The following TBC1D5 variants were observed in gnomAD, a reference collection of about 807,000 sequenced individuals.
TBC1D5 encodes TBC1 domain family member 5.
A neutral mutation model predicts 100.3 loss-of-function variants in TBC1D5; 75 were observed. That is an observed-to-expected ratio of 0.75 (90% CI 0.62 to 0.91). TBC1D5 has a LOEUF of 0.91. TBC1D5 is among the 40% of genes least tolerant of loss of function. The pLI is 0.00. For missense variants in TBC1D5, 910 were observed against 942.4 expected (o/e 0.97, Z 0.45); for synonymous variants, 323 against 325.6 (o/e 0.99, Z 0.09).
At chr3:17,725,215 G>T (rs1017243439) in intron 1 of TBC1D5, among the ~76,000 whole-genome samples, 1 of 151,976 alleles carries the variant, frequency 6.6e-6, no homozygotes, top group African/African-American at 2.4e-5. Context: ...CAATTCCCTG[G>T]AGCCTAAAAT....
intron 13 of TBC1D5, among the ~76,000 whole-genome samples, chr3:17,309,256 A>G (rs1405367986): frequency 6.6e-6 from 1 of 152,002 alleles, no homozygotes; most frequent in Non-Finnish European, 1.5e-5. Flanking sequence ...ATGTGACAAA[A>G]TACTGTATAC....
intron 9 of TBC1D5, among the ~76,000 whole-genome samples, chr3:17,377,624 T>C (rs1251343921): frequency 6.6e-6 from 1 of 151,892 alleles, no homozygotes; most frequent in Non-Finnish European, 1.5e-5. Context: ...AGATAAATAT[T>C]TTGCTGGTAG....
chr3:17,347,544 T>G (rs2151579008), intron 13 of TBC1D5, among the ~76,000 whole-genome samples: 1 of 152,252 alleles, frequency 6.6e-6, no homozygotes, highest in East Asian at 1.9e-4. Context: ...AAATTTTTTT[T>G]CTGACATAGC....
intron 2 of TBC1D5, among the ~76,000 whole-genome samples, chr3:17,584,176 A>G (rs571527253): frequency 6.6e-6 from 1 of 152,368 alleles, no homozygotes; most frequent in Admixed American, 6.5e-5. Context: ...TCGATGTCAG[A>G]GCCTAGGGCT....
chr3:17,554,282 C>G (rs375287450), intron 2 of TBC1D5, among the ~76,000 whole-genome samples: 4 of 152,112 alleles, frequency 2.6e-5, no homozygotes, highest in Non-Finnish European at 4.4e-5. Context: ...GGAACTCACC[C>G]GAAACATCGT....
At chr3:17,409,976 A>G (rs896961386) in intron 4 of TBC1D5, among the ~76,000 whole-genome samples, 18 of 152,298 alleles carry the variant, frequency 1.2e-4, no homozygotes, top group African/African-American at 3.8e-4. Context: ...AATAAACAAT[A>G]GATATTCAAT....
At chr3:17,480,442 G>A (rs756340542) in intron 3 of TBC1D5, among the ~76,000 whole-genome samples, 6 of 152,156 alleles carry the variant, frequency 3.9e-5, no homozygotes, top group Admixed American at 2.0e-4. Context: ...TTTCCAGCCT[G>A]CCCTTGGACG....
At chr3:17,327,058 A>G (rs17043404) in intron 13 of TBC1D5, among the ~76,000 whole-genome samples, 3,386 of 152,276 alleles carry the variant, frequency 0.022, 122 homozygotes, top group African/African-American at 0.076. Context: ...TATTAACACC[A>G]TTATCTTTCA....
chr3:17,708,910 G>C (rs559354451), intron 1 of TBC1D5, among the ~76,000 whole-genome samples: 1 of 152,158 alleles, frequency 6.6e-6, no homozygotes, highest in African/African-American at 2.4e-5. Flanking sequence ...ACCGTCACTG[G>C]AACCATTCAA....
intron 15 of TBC1D5, among the ~76,000 whole-genome samples, chr3:17,280,079 G>C (rs1460793710): frequency 6.6e-6 from 1 of 152,098 alleles, no homozygotes; most frequent in Non-Finnish European, 1.5e-5. Flanking sequence ...GAAATATCAG[G>C]GAATCAAACA....
At chr3:17,440,392 G>A (rs2094626464) in intron 3 of TBC1D5, among the ~76,000 whole-genome samples, 1 of 152,178 alleles carries the variant, frequency 6.6e-6, no homozygotes, top group African/African-American at 2.4e-5. Flanking sequence ...TTGGGAGGCA[G>A]AGGTGGGCAG....
At chr3:17,199,612 T>C (rs983555480) in intron 18 of TBC1D5, among the ~76,000 whole-genome samples, 1 of 152,160 alleles carries the variant, frequency 6.6e-6, no homozygotes, top group African/African-American at 2.4e-5. Context: ...GATTGGGACA[T>C]TGTATTGAGG....
chr3:17,214,001 C>CTT (rs11393639), intron 18 of TBC1D5, among the ~76,000 whole-genome samples: 1,611 of 146,680 alleles, frequency 0.011, 17 homozygotes, highest in African/African-American at 0.033. Flanking sequence ...AATGATGCTA[C>CTT]TTTTTTTTTT....
At chr3:17,567,973 T>A (rs1004370464) in intron 2 of TBC1D5, among the ~76,000 whole-genome samples, 2 of 151,578 alleles carry the variant, frequency 1.3e-5, no homozygotes, top group Non-Finnish European at 3.0e-5. Context: ...AACCCTGACC[T>A]ACTAAATCAA....
At chr3:17,562,997 G>C (rs2096569377) in intron 2 of TBC1D5, among the ~76,000 whole-genome samples, 1 of 152,182 alleles carries the variant, frequency 6.6e-6, no homozygotes, top group African/African-American at 2.4e-5. Flanking sequence ...TGTGTAAAGA[G>C]AGACATACAG....
chr3:17,374,772 T>A, intron 10 of TBC1D5, 93 bp from the exon 11 acceptor site: 1 of 1,288,914 alleles, frequency 7.8e-7, no homozygotes, highest in South Asian at 1.4e-5. Context: ...AACTTTCATA[T>A]AATATGCAAA....
intron 1 of TBC1D5, among the ~76,000 whole-genome samples, chr3:17,715,505 A>C (rs2075148898): frequency 6.6e-6 from 1 of 152,214 alleles, no homozygotes; most frequent in Non-Finnish European, 1.5e-5. Flanking sequence ...AGAAGGATCT[A>C]TCAAAGTGGG....
intron 2 of TBC1D5, among the ~76,000 whole-genome samples, chr3:17,593,364 T>C (rs1316628787): frequency 4.6e-5 from 7 of 152,144 alleles, no homozygotes; most frequent in Non-Finnish European, 1.0e-4. Context: ...CTCAATAACA[T>C]GGACTTCCAC....
chr3:17,408,596 A>C (rs11917482), intron 4 of TBC1D5, among the ~76,000 whole-genome samples: 13,784 of 152,106 alleles, frequency 0.091, 1,410 homozygotes, highest in African/African-American at 0.25. Flanking sequence ...GCTGGAATTA[A>C]AGGTATGAGA....
Sources: gnomAD v4.1 joint callset for allele counts (sites outside exome capture counted in the v4.1 genomes callset) on GRCh38, gnomAD v4.1.1 for gene constraint, MANE v1.5 for transcripts, NCBI Gene and HGNC (gene_info 2026-07-23, HGNC 2026-07-21) for gene names.